SORCS1: variants seen among roughly 807,000 people sequenced by gnomAD.
SORCS1 encodes sortilin related VPS10 domain containing receptor 1, also known as VPS10 domain-containing receptor SorCS1.
Under a neutral mutation model 146.1 loss-of-function variants are expected in SORCS1, and 60 were observed. The ratio of observed to expected loss-of-function variants is 0.41; its 90% CI spans 0.33 to 0.51. The LOEUF is 0.51. Ranked by LOEUF, SORCS1 falls within the 20% of genes least tolerant of loss-of-function variation. The pLI is 0.21. For synonymous variants in SORCS1, 637 were observed against 584.0 expected (o/e 1.09, Z -1.31); for missense variants, 1,352 against 1,487.6 (o/e 0.91, Z 1.50).
At chr10:106,944,214 C>G (rs886276543) in intron 2 of SORCS1, among the ~76,000 whole-genome samples, 1 of 152,156 alleles carries the variant, frequency 6.6e-6, no homozygotes, top group Non-Finnish European at 1.5e-5. Context: ...CTCATCAACC[C>G]TTTTACTTGC....
intron 5 of SORCS1, among the ~76,000 whole-genome samples, chr10:106,740,422 GTAAC>G (rs1293669071): frequency 6.6e-6 from 1 of 152,174 alleles, no homozygotes; most frequent in Non-Finnish European, 1.5e-5. Context: ...TGTTTACTGA[GTAAC>G]TACAAATGCT....
chr10:106,901,220 G>A (rs1229409772), intron 2 of SORCS1, among the ~76,000 whole-genome samples: 2 of 152,108 alleles, frequency 1.3e-5, no homozygotes, highest in Non-Finnish European at 2.9e-5. Context: ...AGGATAGGAG[G>A]GATTAATTCA....
intron 3 of SORCS1, among the ~76,000 whole-genome samples, chr10:106,780,483 A>C (rs1333093798): frequency 6.6e-6 from 1 of 152,222 alleles, no homozygotes; most frequent in African/African-American, 2.4e-5. Context: ...CTCTCCAAAA[A>C]GAGAGGTCAT....
chr10:107,094,185 T>C (rs1444037180), intron 1 of SORCS1, among the ~76,000 whole-genome samples: 2 of 152,188 alleles, frequency 1.3e-5, no homozygotes, highest in South Asian at 2.1e-4. Flanking sequence ...GCAAACATTT[T>C]TTTTTAATTC....
intron 18 of SORCS1, among the ~76,000 whole-genome samples, chr10:106,637,229 C>G (rs1302901944): frequency 1.3e-5 from 2 of 152,208 alleles, no homozygotes. Flanking sequence ...CATGCCCTAT[C>G]TTCTGTTCCC....
intron 6 of SORCS1, among the ~76,000 whole-genome samples, chr10:106,713,708 C>A (rs758678020): frequency 6.6e-6 from 1 of 152,116 alleles, no homozygotes; most frequent in East Asian, 1.9e-4. Context: ...TGTGTAGAAA[C>A]GGCAGTATGT....
intron 2 of SORCS1, among the ~76,000 whole-genome samples, chr10:106,921,468 T>A (rs1220457280): frequency 2.0e-5 from 3 of 152,190 alleles, no homozygotes; most frequent in Non-Finnish European, 4.4e-5. Context: ...TCTCACTTTC[T>A]CCTCTCTTAA....
At chr10:106,726,912 C>T (rs1296798644) in intron 6 of SORCS1, among the ~76,000 whole-genome samples, 1 of 152,000 alleles carries the variant, frequency 6.6e-6, no homozygotes, top group African/African-American at 2.4e-5. Flanking sequence ...CGGTGAAACC[C>T]CGTCTCTACT....
In SORCS1 at chr10:106,893,292, T is replaced by C. The variant is rs565888734; in HGVS notation, c.626+63221A>G. Reference sequence around the variant, plus strand: ...CAATAAATACCTTCAAAAATAATAATGGATGAAGCCAACAAAAGGAATGAG... The same window carrying C: ...CAATAAATACCTTCAAAAATAATAACGGATGAAGCCAACAAAAGGAATGAG... On this transcript the variant is annotated intron_variant, in intron 2 of 25. Transcript: ENST00000263054. Among the ~76,000 whole-genome samples, 21 of 152,324 alleles carry C rather than the reference T, an allele frequency of 1.4e-4. No individual in the cohort carries two copies. In the South Asian group the frequency reaches 3.9e-3, roughly 29 times the overall value.
At chr10:106,718,979 A>G (rs150686081) in intron 6 of SORCS1, among the ~76,000 whole-genome samples, 30 of 141,600 alleles carry the variant, frequency 2.1e-4, no homozygotes, top group African/African-American at 8.4e-4. Context: ...GCTAGACACA[A>G]AGCACTGATT....
intron 24 of SORCS1, among the ~76,000 whole-genome samples, chr10:106,590,696 C>A (rs1845548841): frequency 6.6e-6 from 1 of 152,068 alleles, no homozygotes; most frequent in Non-Finnish European, 1.5e-5. Context: ...GCTCTGTTGC[C>A]CAGGCTGGAG....
intron 3 of SORCS1, among the ~76,000 whole-genome samples, chr10:106,801,481 T>A (rs893378072): frequency 1.3e-5 from 2 of 151,844 alleles, no homozygotes; most frequent in Non-Finnish European, 1.5e-5. Flanking sequence ...TATTAACTCA[T>A]GTAAACCCAC....
At chr10:106,651,981 A>C (rs1409594912) in intron 18 of SORCS1, among the ~76,000 whole-genome samples, 2 of 152,238 alleles carry the variant, frequency 1.3e-5, no homozygotes, top group East Asian at 3.8e-4. Flanking sequence ...CTTGGAAAAG[A>C]AAACCCTGCA....
chr10:106,798,536 T>C (rs1946703868), intron 3 of SORCS1, among the ~76,000 whole-genome samples: 1 of 148,850 alleles, frequency 6.7e-6, no homozygotes, highest in South Asian at 2.2e-4. Context: ...GAACATGCAG[T>C]GTTTGGTTTT....
intron 2 of SORCS1, among the ~76,000 whole-genome samples, chr10:106,843,024 T>C (rs1949121191): frequency 6.6e-6 from 1 of 152,230 alleles, no homozygotes; most frequent in South Asian, 2.1e-4. Context: ...AATGTTTTCA[T>C]ATAGGTATAC....
At chr10:106,891,011 G>T (rs1376811355) in intron 2 of SORCS1, among the ~76,000 whole-genome samples, 1 of 152,078 alleles carries the variant, frequency 6.6e-6, no homozygotes, top group Non-Finnish European at 1.5e-5. Flanking sequence ...TAGTATTTAT[G>T]ATACATTTTC....
At chr10:106,773,872 C>A (rs1860220887) in intron 4 of SORCS1, among the ~76,000 whole-genome samples, 1 of 152,072 alleles carries the variant, frequency 6.6e-6, no homozygotes, top group African/African-American at 2.4e-5. Context: ...TCGCCTGAAC[C>A]CTGGAGGCAG....
intron 22 of SORCS1, among the ~76,000 whole-genome samples, chr10:106,608,269 G>C (rs985395013): frequency 6.6e-6 from 1 of 152,126 alleles, no homozygotes; most frequent in Non-Finnish European, 1.5e-5. Flanking sequence ...TTGCCAAATG[G>C]GATGATGTAC....
chr10:106,623,535 C>G (rs535542101), intron 19 of SORCS1, among the ~76,000 whole-genome samples: 2 of 152,008 alleles, frequency 1.3e-5, no homozygotes, highest in African/African-American at 4.8e-5. Context: ...TGAGCCACCA[C>G]GCCCGGCTGA....
Sources: gnomAD v4.1 joint callset for allele counts (sites outside exome capture counted in the v4.1 genomes callset) on GRCh38, gnomAD v4.1.1 for gene constraint, MANE v1.5 for transcripts, NCBI Gene and HGNC (gene_info 2026-07-23, HGNC 2026-07-21) for gene names.